The following DDX24 variants were observed in gnomAD, a reference collection of about 807,000 sequenced individuals.
DDX24 encodes ATP-dependent RNA helicase DDX24.
DDX24 carries 24 observed loss-of-function variants against 68.9 expected under a neutral mutation model. The observed-to-expected ratio is 0.35, with a 90% CI of 0.25 to 0.49. The LOEUF is 0.49. DDX24 is among the 20% of genes least tolerant of loss of function. The pLI is 0.99. For synonymous variants in DDX24, 395 were observed against 385.2 expected (o/e 1.03, Z -0.30); for missense variants, 989 against 1,039.0 (o/e 0.95, Z 0.66).
chr14:94,079,213 G>A lies in DDX24; in HGVS notation c.530C>T (p.Ala177Val), dbSNP rs145620061. ...QSTAAKVPKK[A>V]KTWIPEVHDQ... Reference sequence around the variant, plus strand: ...ATGAACTTCAGGAATCCATGTCTTCGCTTTTTTGGGCACCTTGGCAGCAGT... The same window carrying A: ...ATGAACTTCAGGAATCCATGTCTTCACTTTTTTGGGCACCTTGGCAGCAGT... Residue 177 changes from alanine to valine, a missense_variant, in exon 2 of 9, where the codon GCG becomes GTG. By Grantham distance (64) the Ala-to-Val change is moderately conservative. Transcript: ENST00000621632. 5.4e-5 allele frequency: 87 copies of A among 1,614,130 alleles called. No homozygotes were observed. Among genetic ancestry groups the A allele is most frequent in the Non-Finnish European group, 6.4e-5 (76 of 1,180,034 alleles).
rs767731371 is a variant in DDX24, at chr14:94,079,662, T to G, written c.81A>C (p.Gly27=). 1 of 1,614,188 alleles carries G rather than the reference T, an allele frequency of 6.2e-7. No individual in the cohort carries two copies. The highest frequency in any genetic ancestry group is 1.1e-5 in the South Asian group (1 of 91,080). The change falls in exon 2 of 9, where the codon GGA becomes GGC. Residue 27 remains glycine (G), a synonymous_variant. Coordinates refer to ENST00000621632, the MANE Select transcript of DDX24 (RefSeq NM_020414.4). ...KFQTKGIKVV[G]KWKEVKIDPN... is the part of the protein sequence containing the mutation. ...GGTCAATCTTCACTTCCTTCCATTT[T>G]CCCACAACTTTGATTCCCTTTGTCT...
chr14:94,079,907 A>G (rs558099241), intron 1 of DDX24, among the ~76,000 whole-genome samples, 160 bp from the exon 2 acceptor site: 4 of 152,196 alleles, frequency 2.6e-5, no homozygotes, highest in African/African-American at 4.8e-5. Flanking sequence ...AGAATACCAC[A>G]GAACAGACAG....
At chr14:94,080,204 G>T (rs1886039943) in intron 1 of DDX24, among the ~76,000 whole-genome samples, 1 of 152,168 alleles carries the variant, frequency 6.6e-6, no homozygotes, top group Non-Finnish European at 1.5e-5. Flanking sequence ...TTTTTCTTGT[G>T]GGGGCAGGAG....
chr14:94,062,520 G>A lies in DDX24; in HGVS notation c.820C>T (p.Pro274Ser). Residue 274 changes from proline (P) to serine (S), a missense_variant, in exon 3 of 9, where the codon CCT becomes TCT. Pro to Ser is a moderately conservative substitution (Grantham distance 74, BLOSUM62 -1). Coordinates refer to ENST00000621632, the MANE Select transcript of DDX24 (RefSeq NM_020414.4). ...CCGGCCTCAGTTCTGGTCTCTCCAG[G>A]TGGTGCTTCGGTGTTACTTGGAGGA... ...APPPSNTEAPPGETRTEAGAE... is the reference protein window; with the variant it reads ...APPPSNTEAPSGETRTEAGAE... 1 of 1,614,190 alleles carries A rather than the reference G, an allele frequency of 6.2e-7. No homozygotes were observed. Among genetic ancestry groups the A allele is most frequent in the Non-Finnish European group, 8.5e-7 (1 of 1,180,022 alleles).
intron 2 of DDX24, among the ~76,000 whole-genome samples, chr14:94,072,009 A>G (rs1156549482): frequency 6.6e-6 from 1 of 152,240 alleles, no homozygotes; most frequent in Non-Finnish European, 1.5e-5. Context: ...CTGGTGGGAA[A>G]GCAAACTAGT....
intron 2 of DDX24, among the ~76,000 whole-genome samples, chr14:94,069,301 T>C (rs1885780849): frequency 6.6e-6 from 1 of 151,930 alleles, no homozygotes; most frequent in Admixed American, 6.6e-5. Context: ...AAAACCCTCC[T>C]AGCTTAAGTC....
Position 94,060,474 on chromosome 14 carries a change from C to G in DDX24, c.1537G>C (p.Val513Leu). Residue 513 changes from valine to leucine, a missense_variant, in exon 5 of 9, where the codon GTG (valine) becomes CTG (leucine). By Grantham distance (32) the Val-to-Leu change is conservative. Coordinates refer to ENST00000621632, the MANE Select transcript of DDX24 (RefSeq NM_020414.4). The stretch of plus-strand genomic sequence containing the variant: ...AGGATTCGAGCAGGAGCCTGATGCA[C>G]CAGGGTGAGTGTGGCAGAAAAAACA... ...TLVFSATLTLVHQAPARILHK... is the reference protein window; with the variant it reads ...TLVFSATLTLLHQAPARILHK... 9 of 1,614,110 alleles carry G rather than the reference C, an allele frequency of 5.6e-6. No individual in the cohort carries two copies. Among genetic ancestry groups the G allele is most frequent in the Non-Finnish European group, 7.6e-6 (9 of 1,180,024 alleles).
At position 94,075,370 on chromosome 14, in the gene DDX24, T is replaced by C. The variant is rs556585144; in HGVS notation, c.718+3655A>G. Reference sequence around the variant, plus strand: ...ACCCACACCTATATGGTCACAGACTTTCAACAAAGATGCAAAGTCAACTCA... The same window carrying C: ...ACCCACACCTATATGGTCACAGACTCTCAACAAAGATGCAAAGTCAACTCA... On this transcript the variant is annotated intron_variant, in intron 2 of 8. Transcript: ENST00000621632. 2.6e-5 allele frequency among the ~76,000 whole-genome samples: 4 copies of C among 152,296 alleles called. No individual in the cohort carries two copies. The East Asian group carries it at 7.7e-4, about 29-fold the overall frequency.
intron 1 of DDX24, among the ~76,000 whole-genome samples, chr14:94,080,512 G>A (rs1283410460): frequency 6.6e-6 from 1 of 152,070 alleles, no homozygotes; most frequent in Non-Finnish European, 1.5e-5. Context: ...TGCGGTGGAC[G>A]TATTAATCTC....
At chr14:94,072,740 G>A (rs1885857916) in intron 2 of DDX24, among the ~76,000 whole-genome samples, 1 of 152,042 alleles carries the variant, frequency 6.6e-6, no homozygotes. Context: ...GAGGAAGGAG[G>A]ATGGCTTGAT....
Position 94,079,755 on chromosome 14 carries a change from G to T in DDX24, c.-5-8C>A. On this transcript the variant is annotated splice_polypyrimidine_tract_variant and splice_region_variant and intron_variant, in intron 1 of 8. Transcript: ENST00000621632. ...CCTTCAACTTCATGGTTGCTGAAAA[G>T]GAGATACATGTTCTATTAGGTTGGT... 1.2e-6 allele frequency: 2 copies of T among 1,609,896 alleles called. No homozygotes were observed. The highest frequency in any genetic ancestry group is 1.1e-5 in the South Asian group (1 of 90,672).
At chr14:94,061,545 T>A (rs573590721) in intron 3 of DDX24, among the ~76,000 whole-genome samples, 6 of 152,198 alleles carry the variant, frequency 3.9e-5, no homozygotes, top group Non-Finnish European at 5.9e-5. Context: ...GGCTTAGCAA[T>A]AGTAACAACT....
At chr14:94,055,451 T>C in intron 6 of DDX24, 1 of 458,500 alleles carries the variant, frequency 2.2e-6, no homozygotes, top group African/African-American at 1.9e-5. Flanking sequence ...ACCACAGCAG[T>C]CACTTCTTAT....
intron 5 of DDX24, among the ~76,000 whole-genome samples, chr14:94,059,485 T>C (rs1379656111): frequency 1.3e-5 from 2 of 152,232 alleles, no homozygotes; most frequent in Non-Finnish European, 2.9e-5. Flanking sequence ...AGAATAGTGA[T>C]AATGGTAATA....
rs1255405665 is a variant in DDX24, at chr14:94,070,438, A to G, written c.719-7817T>C. ...ATATTGTGAAAATGACTGTTGCCAA[A>G]AGCAATCTACAAATTCAATGCAATC... On this transcript the variant is annotated intron_variant, in intron 2 of 8. Coordinates refer to ENST00000621632, the MANE Select transcript of DDX24 (RefSeq NM_020414.4). Among the ~76,000 whole-genome samples, 3 of 152,228 alleles carry G rather than the reference A, an allele frequency of 2.0e-5. No individual in the cohort carries two copies. In the East Asian group the frequency reaches 5.8e-4, roughly 29 times the overall value.
rs750754328 is a variant in DDX24 at position 94,051,211 on chromosome 14, G to A, written c.2560C>T (p.Pro854Ser). ...ACCAGTTAATTTGCACTTGTACTTGGCTGTGGCTGTTCCGGCTGTGGCTCC... is the reference window on the plus strand; with the variant it reads ...ACCAGTTAATTTGCACTTGTACTTGACTGTGGCTGTTCCGGCTGTGGCTCC... ...PKEPQPEQPQ[P>S]STSAN Residue 854 changes from proline to serine, a missense_variant, in exon 9 of 9, where the codon CCA becomes TCA. Physicochemically the swap from Pro to Ser is moderately conservative, Grantham distance 74 (BLOSUM62 -1). This residue lies in a region of DDX24 where 691 missense variants were observed against 760.0 expected (regional missense o/e 0.91). Coordinates refer to ENST00000621632, the MANE Select transcript of DDX24 (RefSeq NM_020414.4). 3.2e-6 allele frequency: 5 copies of A among 1,571,070 alleles called. No homozygotes were observed. The highest frequency in any genetic ancestry group is 4.3e-6 in the Non-Finnish European group (5 of 1,159,252).
Position 94,079,069 on chromosome 14 carries a change from G to T in DDX24, c.674C>A (p.Pro225His). 1 of 1,614,176 alleles carries T rather than the reference G, an allele frequency of 6.2e-7. No homozygotes were observed. Among genetic ancestry groups the T allele is most frequent in the Non-Finnish European group, 8.5e-7 (1 of 1,180,032 alleles). Residue 225 changes from proline to histidine, a missense_variant, in exon 2 of 9, where the codon CCT (proline) becomes CAT (histidine). Around this residue, in one of 3 missense-constraint regions of DDX24, gnomAD observed 295 missense variants for 263.0 expected, o/e 1.12. Coordinates refer to ENST00000621632, the MANE Select transcript of DDX24 (RefSeq NM_020414.4). ...GATGTCCAGTTTGTCACGGATGGCAGGTGCCAAGGTCAGGGCTTGGATTGG... is the reference window on the plus strand; with the variant it reads ...GATGTCCAGTTTGTCACGGATGGCATGTGCCAAGGTCAGGGCTTGGATTGG... ...PTPIQALTLA[P>H]AIRDKLDILG...
intron 2 of DDX24, among the ~76,000 whole-genome samples, chr14:94,067,544 A>G (rs1178357153): frequency 6.6e-6 from 1 of 152,232 alleles, no homozygotes; most frequent in Non-Finnish European, 1.5e-5. Flanking sequence ...TAGGTTATAC[A>G]AAGTTAAGAC....
Position 94,062,151 on chromosome 14 carries a change from G to A in DDX24, c.1189C>T (p.Arg397Ter), listed in dbSNP as rs1194925200. ...PLLGLVLTPT[R>*]ELAVQVKQHI... Reference sequence around the variant, plus strand: ...TGTTTGACCTGGACGGCCAGCTCTCGAGTGGGAGTCAGAACCAGTCCAAGC... The same window carrying A: ...TGTTTGACCTGGACGGCCAGCTCTCAAGTGGGAGTCAGAACCAGTCCAAGC... The change falls in exon 3 of 9, where the codon CGA (arginine) becomes TGA (stop). Residue 397 changes from arginine to a stop codon, truncating the protein, a stop_gained. Coordinates refer to ENST00000621632, the MANE Select transcript of DDX24 (RefSeq NM_020414.4). LOFTEE classifies it high-confidence loss of function. The A allele has an allele frequency of 1.9e-6, 3 of 1,614,038 alleles. No homozygotes were observed. Among genetic ancestry groups the A allele is most frequent in the Non-Finnish European group, 2.5e-6 (3 of 1,179,982 alleles).
Sources: gnomAD v4.1 joint callset for allele counts (sites outside exome capture counted in the v4.1 genomes callset) on GRCh38, gnomAD v4.1.1 for gene constraint, gnomAD v4.1.1 regional missense constraint, MANE v1.5 for transcripts, NCBI Gene and HGNC (gene_info 2026-07-23, HGNC 2026-07-21) for gene names.